Variants in MAPK10 observed in about 807,000 individuals in gnomAD.
MAPK10 encodes the protein JNK3 alpha protein kinase.
Under a neutral mutation model 59.3 loss-of-function variants are expected in MAPK10, and 25 were observed. The observed-to-expected ratio is 0.42, with a 90% CI of 0.31 to 0.59. The LOEUF (loss-of-function observed/expected upper bound fraction) is 0.59. Among genes scored for constraint, MAPK10 ranks in the 20% least tolerant of loss-of-function variants. MAPK10 has a pLI of 0.15. For synonymous variants in MAPK10, 190 were observed against 200.5 expected, an observed-to-expected ratio of 0.95 and a Z score of 0.44; for missense variants, 351 against 568.9, an observed-to-expected ratio of 0.62 and a Z score of 3.90.
intron 1 of MAPK10, among the ~76,000 whole-genome samples, chr4:86,372,374 G>T (rs1738900299): frequency 6.6e-6 from 1 of 151,762 alleles, no homozygotes; most frequent in Admixed American, 6.6e-5. Context: ...AAAATTAGCT[G>T]GGCGTGGTGG....
chr4:86,277,587 C>CTAGA (rs1391241679), intron 2 of MAPK10, among the ~76,000 whole-genome samples: 1 of 151,992 alleles, frequency 6.6e-6, no homozygotes, highest in Non-Finnish European at 1.5e-5. Flanking sequence ...GCTTATGTGA[C>CTAGA]TAGATGGTTA....
chr4:86,345,403 T>C (rs1277691822), intron 2 of MAPK10, among the ~76,000 whole-genome samples: 1 of 152,238 alleles, frequency 6.6e-6, no homozygotes, highest in Non-Finnish European at 1.5e-5. Context: ...CTTTGTCTTA[T>C]CTTGAAATTA....
At chr4:86,199,881 T>TA (rs1427660182) in intron 2 of MAPK10, among the ~76,000 whole-genome samples, 7 of 151,936 alleles carry the variant, frequency 4.6e-5, no homozygotes, top group African/African-American at 1.7e-4. Context: ...TAATAGGAAA[T>TA]ACTCTTGAGG....
chr4:86,436,082 GAAA>G (rs1748682975), intron 1 of MAPK10, among the ~76,000 whole-genome samples: 1 of 152,028 alleles, frequency 6.6e-6, no homozygotes, highest in Non-Finnish European at 1.5e-5. Context: ...TAACTTCAGA[GAAA>G]ACTTTGAGGA....
intron 2 of MAPK10, among the ~76,000 whole-genome samples, chr4:86,233,434 G>A (rs1215523516): frequency 6.6e-6 from 1 of 152,100 alleles, no homozygotes; most frequent in Non-Finnish European, 1.5e-5. Context: ...CTGCCACAAA[G>A]ACTCGGCTAA....
At chr4:86,299,589 T>C (rs2095431391) in intron 2 of MAPK10, among the ~76,000 whole-genome samples, 1 of 152,136 alleles carries the variant, frequency 6.6e-6, no homozygotes, top group African/African-American at 2.4e-5. Context: ...TTCTGTTATG[T>C]ATAAGCTACC....
At chr4:86,111,511 T>G (rs1365430249) in intron 4 of MAPK10, among the ~76,000 whole-genome samples, 3 of 152,208 alleles carry the variant, frequency 2.0e-5, no homozygotes, top group Non-Finnish European at 4.4e-5. Flanking sequence ...TAGTTCTGTT[T>G]GATGTGATGA....
At chr4:86,473,977 T>G (rs1408698030) in intron 1 of MAPK10, among the ~76,000 whole-genome samples, 1 of 152,084 alleles carries the variant, frequency 6.6e-6, no homozygotes, top group African/African-American at 2.4e-5. Flanking sequence ...TAGTGAGACT[T>G]TGTCTCTACC....
chr4:86,043,432 A>C (rs2041955154), intron 11 of MAPK10, among the ~76,000 whole-genome samples: 1 of 152,190 alleles, frequency 6.6e-6, no homozygotes, highest in Non-Finnish European at 1.5e-5. Context: ...GTGAATTTAG[A>C]GAAAGCAGTG....
At chr4:86,432,923 A>G (rs1010798188) in intron 1 of MAPK10, among the ~76,000 whole-genome samples, 4 of 152,212 alleles carry the variant, frequency 2.6e-5, no homozygotes, top group Admixed American at 2.6e-4. Context: ...CTTAATTTGC[A>G]TAACCAAAGG....
In MAPK10 at chr4:86,590,119, T is replaced by A. The variant is rs193051317; in HGVS notation, c.-263+3791A>T. Among the ~76,000 whole-genome samples the A allele has an allele frequency of 3.4e-3, 510 of 152,174 alleles. 1 individual carries two copies. Among genetic ancestry groups the A allele is most frequent in the African/African-American group, 0.012 (493 of 41,496 alleles). ...GCCTTTCAAAAGAACTAGGCTCATC[T>A]AAAGCATCTGATAACAGAAATAAAA... On this transcript the variant is annotated intron_variant, in intron 1 of 4. Coordinates refer to the MAPK10 transcript ENST00000502302.
chr4:86,589,518 C>G (rs1175496509), intron 1 of MAPK10, among the ~76,000 whole-genome samples: 1 of 151,976 alleles, frequency 6.6e-6, no homozygotes, highest in Admixed American at 6.6e-5. Flanking sequence ...CCCATCTCTA[C>G]TAAAAATACA....
At chr4:86,509,678 G>A (rs1348110447) in intron 1 of MAPK10, among the ~76,000 whole-genome samples, 1 of 152,136 alleles carries the variant, frequency 6.6e-6, no homozygotes, top group Non-Finnish European at 1.5e-5. Flanking sequence ...TGGAAAAAAA[G>A]ATGTGAGATT....
At chr4:86,291,071 A>G (rs2095211166) in intron 2 of MAPK10, among the ~76,000 whole-genome samples, 1 of 152,234 alleles carries the variant, frequency 6.6e-6, no homozygotes, top group African/African-American at 2.4e-5. Context: ...ACTATAGACA[A>G]GACCACTAGA....
chr4:86,539,726 A>G lies in MAPK10; in HGVS notation c.-263+54184T>C, dbSNP rs1025069271. 5.3e-5 allele frequency among the ~76,000 whole-genome samples: 8 copies of G among 152,302 alleles called. No individual in the cohort carries two copies. In the East Asian group the frequency reaches 9.6e-4, roughly 18 times the overall value. Reference sequence around the variant, plus strand: ...TGTGAGAACAAGCTTTTTGGGAACCATTTTGCAACATATATGAAGAATATT... The same window carrying G: ...TGTGAGAACAAGCTTTTTGGGAACCGTTTTGCAACATATATGAAGAATATT... On this transcript the variant is annotated intron_variant, in intron 1 of 4. Transcript: ENST00000502302.
At chr4:86,296,069 G>A (rs1013983430) in intron 2 of MAPK10, among the ~76,000 whole-genome samples, 8 of 151,224 alleles carry the variant, frequency 5.3e-5, no homozygotes, top group South Asian at 2.1e-4. Context: ...CCAGCTACTC[G>A]GGAGGCTGAG....
chr4:86,303,900 C>T (rs1397057522), intron 2 of MAPK10, among the ~76,000 whole-genome samples: 1 of 152,244 alleles, frequency 6.6e-6, no homozygotes, highest in Admixed American at 6.5e-5. Flanking sequence ...TCTACCACTA[C>T]GAAATCATAG....
At chr4:86,477,514 C>T (rs1434654283) in intron 1 of MAPK10, among the ~76,000 whole-genome samples, 3 of 152,038 alleles carry the variant, frequency 2.0e-5, no homozygotes, top group African/African-American at 7.2e-5. Context: ...CCTTGGTGAC[C>T]GATCATGTAC....
At position 86,150,282 on chromosome 4, in the gene MAPK10, C is replaced by T. The variant is rs528363059; in HGVS notation, c.236+9016G>A. Among the ~76,000 whole-genome samples the T allele has an allele frequency of 6.6e-5, 10 of 152,252 alleles. No homozygotes were observed. The South Asian group carries it at 1.9e-3, about 28-fold the overall frequency. ...AAGGCATACAGCGTGATACAATGGA[C>T]TTCAGAGACTCAGGAGAAAAAGGGT... On this transcript the variant is annotated intron_variant, in intron 4 of 13. Coordinates refer to ENST00000641462, the MANE Select transcript of MAPK10 (RefSeq NM_138982.4).
Sources: gnomAD v4.1 joint callset for allele counts (sites outside exome capture counted in the v4.1 genomes callset) on GRCh38, gnomAD v4.1.1 for gene constraint, MANE v1.5 for transcripts, NCBI Gene and HGNC (gene_info 2026-07-23, HGNC 2026-07-21) for gene names.